CADM1: variants seen among roughly 807,000 people sequenced by gnomAD.
The protein encoded by CADM1 is cell adhesion molecule 1.
Under a neutral mutation model 53.1 loss-of-function variants are expected in CADM1, and 15 were observed. The ratio of observed to expected loss-of-function variants is 0.28; its 90% confidence interval spans 0.19 to 0.44. The LOEUF (loss-of-function observed/expected upper bound fraction) is 0.44. Among genes scored for constraint, CADM1 ranks in the 20% least tolerant of loss-of-function variants. CADM1 has a pLI of 1.00. For missense variants in CADM1, 434 were observed against 611.3 expected, an observed-to-expected ratio of 0.71 and a Z score of 3.06; for synonymous variants, 281 against 243.0, an observed-to-expected ratio of 1.16 and a Z score of -1.45.
chr11:115,185,845 C>T (rs1469037439), intron 10 of CADM1, among the ~76,000 whole-genome samples: 1 of 152,192 alleles, frequency 6.6e-6, no homozygotes, highest in East Asian at 1.9e-4. Context: ...CCACTAGAAT[C>T]TCTCTCTGGA....
At chr11:115,301,667 T>C (rs1444750874) in intron 1 of CADM1, among the ~76,000 whole-genome samples, 1 of 152,082 alleles carries the variant, frequency 6.6e-6, no homozygotes, top group African/African-American at 2.4e-5. Context: ...ATTCTAGGCT[T>C]AGACAGAACT....
chr11:115,464,609 A>T (rs1948859778), intron 1 of CADM1, among the ~76,000 whole-genome samples: 1 of 152,224 alleles, frequency 6.6e-6, no homozygotes, highest in South Asian at 2.1e-4. Flanking sequence ...TGGTTTACAG[A>T]AACCAGTGTA....
intron 1 of CADM1, among the ~76,000 whole-genome samples, chr11:115,432,677 G>A (rs967125754): frequency 6.6e-6 from 1 of 152,178 alleles, no homozygotes; most frequent in Admixed American, 6.5e-5. Flanking sequence ...CTGCACGGTT[G>A]TTATATGAGA....
chr11:115,354,622 T>C (rs911931675), intron 1 of CADM1, among the ~76,000 whole-genome samples: 2 of 152,176 alleles, frequency 1.3e-5, no homozygotes, highest in African/African-American at 4.8e-5. Context: ...GATTTACAGG[T>C]GGCCCAATAA....
chr11:115,229,744 T>C (rs1591625802), intron 4 of CADM1, among the ~76,000 whole-genome samples: 2 of 152,338 alleles, frequency 1.3e-5, no homozygotes, highest in Admixed American at 6.5e-5. Flanking sequence ...CAACAAGCAG[T>C]AGAGTTACAA....
At chr11:115,480,490 G>T (rs1411981930) in intron 1 of CADM1, among the ~76,000 whole-genome samples, 1 of 152,082 alleles carries the variant, frequency 6.6e-6, no homozygotes, top group Non-Finnish European at 1.5e-5. Context: ...GCTCTCTAAA[G>T]TCCCCTTCAG....
chr11:115,296,598 C>T (rs1591682819), intron 1 of CADM1, among the ~76,000 whole-genome samples: 1 of 152,296 alleles, frequency 6.6e-6, no homozygotes, highest in Admixed American at 6.5e-5. Flanking sequence ...CTTTGATCTT[C>T]TCTACCATGT....
At chr11:115,206,732 G>A (rs1171231870) in intron 8 of CADM1, among the ~76,000 whole-genome samples, 2 of 114,636 alleles carry the variant, frequency 1.7e-5, no homozygotes, top group East Asian at 3.1e-4. Context: ...TTGACTGGCA[G>A]AAAAGAAATA....
intron 1 of CADM1, among the ~76,000 whole-genome samples, chr11:115,408,530 T>A (rs1591789095): frequency 1.3e-5 from 2 of 152,240 alleles, no homozygotes; most frequent in East Asian, 3.8e-4. Context: ...TGTTGGTTAC[T>A]GACCTAAAAT....
intron 1 of CADM1, among the ~76,000 whole-genome samples, chr11:115,437,243 T>C (rs532666224): frequency 4.1e-4 from 62 of 152,288 alleles, no homozygotes; most frequent in Non-Finnish European, 1.3e-4. Context: ...TCTTATCACA[T>C]TATTGAATAC....
chr11:115,217,277 G>T (rs1045748848), intron 6 of CADM1, among the ~76,000 whole-genome samples: 1 of 152,088 alleles, frequency 6.6e-6, no homozygotes, highest in African/African-American at 2.4e-5. Context: ...AACTCAAGTG[G>T]CTCCTTTATA....
At chr11:115,503,825 G>A (rs1231979215) in intron 1 of CADM1, among the ~76,000 whole-genome samples, 3 of 152,056 alleles carry the variant, frequency 2.0e-5, no homozygotes, top group Non-Finnish European at 4.4e-5. Context: ...CGGGGATGGA[G>A]AACTGGGGGG....
At chr11:115,481,928 C>T (rs917722872) in intron 1 of CADM1, among the ~76,000 whole-genome samples, 1 of 152,156 alleles carries the variant, frequency 6.6e-6, no homozygotes, top group Non-Finnish European at 1.5e-5. Context: ...CTCCCGCTCC[C>T]CTCATTGACA....
rs1180451541 is a variant in CADM1 at position 115,393,557 on chromosome 11, TG to T, written c.124+110713del. The stretch of plus-strand genomic sequence containing the variant: ...AAAAAGAGCAAATGTTAACAGTATC[TG>T]AAAAAAAAAAAACATAGAGGTAGCA... On this transcript the variant is annotated intron_variant, in intron 1 of 11. Coordinates refer to ENST00000331581, the MANE Select transcript of CADM1 (RefSeq NM_001301043.2). 8.0e-4 allele frequency among the ~76,000 whole-genome samples: 101 copies of T among 126,512 alleles called. 1 individual carries two copies. The highest frequency in any genetic ancestry group is 2.5e-3 in the African/African-American group (95 of 37,742). The allele number at this position is 126,512 out of a possible 152,430, so 83.0% of individuals were successfully genotyped here. A position where few individuals can be genotyped will look rare whatever the true frequency, so the allele number is the denominator to read the frequency against.
intron 1 of CADM1, among the ~76,000 whole-genome samples, chr11:115,274,854 G>A (rs1943401006): frequency 6.6e-6 from 1 of 152,142 alleles, no homozygotes; most frequent in African/African-American, 2.4e-5. Context: ...GATCTGTCCT[G>A]CTTTCACCAT....
intron 1 of CADM1, among the ~76,000 whole-genome samples, chr11:115,434,536 C>T (rs980651477): frequency 6.6e-6 from 1 of 152,138 alleles, no homozygotes; most frequent in Non-Finnish European, 1.5e-5. Flanking sequence ...TCTTAACCCA[C>T]CAGGACTGGT....
chr11:115,217,878 C>G lies in CADM1; in HGVS notation c.821+14G>C. ...GCGCATGACCCTCTGCCAACTTTGG[C>G]CTTCAGAACTTACTGGGGCTTCCCG... On this transcript the variant is annotated intron_variant, in intron 6 of 11. Transcript: ENST00000331581. The G allele has an allele frequency of 6.3e-7, 1 of 1,588,160 alleles. No individual in the cohort carries two copies. Among genetic ancestry groups the G allele is most frequent in the Non-Finnish European group, 8.6e-7 (1 of 1,156,536 alleles).
Position 115,346,422 on chromosome 11 carries a change from G to A in CADM1, c.125-106002C>T, listed in dbSNP as rs956369762. Among the ~76,000 whole-genome samples, 3 of 152,060 alleles carry A rather than the reference G, an allele frequency of 2.0e-5. No homozygotes were observed. The South Asian group carries it at 6.2e-4, about 32-fold the overall frequency. On this transcript the variant is annotated intron_variant, in intron 1 of 11. Coordinates refer to ENST00000331581, the MANE Select transcript of CADM1 (RefSeq NM_001301043.2). Reference sequence around the variant, plus strand: ...TTTTGTTTGTTGTTTCTATAGAGATGGGGTCTTGCTATGTTCCCCGGGCTG... The same window carrying A: ...TTTTGTTTGTTGTTTCTATAGAGATAGGGTCTTGCTATGTTCCCCGGGCTG...
intron 1 of CADM1, among the ~76,000 whole-genome samples, chr11:115,271,823 T>C (rs1396729507): frequency 1.3e-5 from 2 of 152,240 alleles, no homozygotes; most frequent in African/African-American, 4.8e-5. Context: ...CTACATGTGC[T>C]TGTTGGATAG....
Sources: allele counts gnomAD v4.1 joint callset (sites outside exome capture counted in the v4.1 genomes callset), GRCh38; gene constraint gnomAD v4.1.1; transcripts MANE v1.5; gene names NCBI Gene and HGNC (gene_info 2026-07-23, HGNC 2026-07-21).